VPS8: variants seen among roughly 807,000 people sequenced by gnomAD.
VPS8 encodes vacuolar protein sorting-associated protein 8 homolog.
In VPS8, 129 loss-of-function variants were observed where a neutral mutation model predicts 216.4. The ratio of observed to expected loss-of-function variants is 0.60; its 90% CI spans 0.52 to 0.69. VPS8 has a LOEUF of 0.69. VPS8 is among the 30% of genes least tolerant of loss of function. VPS8 has a pLI of 0.00. For missense variants in VPS8, 1,531 were observed against 1,683.5 expected, an observed-to-expected ratio of 0.91 and a Z score of 1.59; for synonymous variants, 571 against 565.4, an observed-to-expected ratio of 1.01 and a Z score of -0.14.
rs537879270 is a variant in VPS8 at position 184,997,098 on chromosome 3, TGA to T, written c.3836+600_3836+601del. ...TCAAGTCAGAAATCTGGAGATGTGT[TGA>T]GACTGGAAAATTTTAATTTAGAAGT... On this transcript the variant is annotated intron_variant, in intron 44 of 47. Coordinates refer to ENST00000625842, the MANE Select transcript of VPS8 (RefSeq NM_001009921.3). Among the ~76,000 whole-genome samples the T allele has an allele frequency of 4.1e-3, 621 of 152,288 alleles. 1 individual carries two copies. Among genetic ancestry groups the T allele is most frequent in the South Asian group, 9.3e-3 (45 of 4,826 alleles).
At chr3:185,026,022 C>T (rs910155024) in intron 46 of VPS8, among the ~76,000 whole-genome samples, 2 of 152,106 alleles carry the variant, frequency 1.3e-5, no homozygotes, top group Admixed American at 6.6e-5. Flanking sequence ...GTTGTTGACA[C>T]TAGTATTAAA....
chr3:184,916,123 C>T (rs978426315), intron 28 of VPS8, among the ~76,000 whole-genome samples: 3 of 152,072 alleles, frequency 2.0e-5, no homozygotes, highest in Non-Finnish European at 2.9e-5. Context: ...GAAGGAGATG[C>T]GGTAGTGATG....
At chr3:184,838,630 G>A in intron 5 of VPS8, 84 bp from the exon 6 acceptor site, 1 of 1,115,636 alleles carries the variant, frequency 9.0e-7, no homozygotes, top group Non-Finnish European at 1.3e-6. Flanking sequence ...TTTGGAGCAA[G>A]TATATGTAAA....
chr3:184,953,941 T>C (rs1185620841), intron 36 of VPS8, among the ~76,000 whole-genome samples: 1 of 152,160 alleles, frequency 6.6e-6, no homozygotes, highest in East Asian at 1.9e-4. Flanking sequence ...TCCCACAGGC[T>C]TAGTCCCACA....
At chr3:185,008,124 G>C (rs1041001660) in intron 45 of VPS8, among the ~76,000 whole-genome samples, 11 of 152,108 alleles carry the variant, frequency 7.2e-5, no homozygotes, top group African/African-American at 2.6e-4. Flanking sequence ...TTTTTCAAAA[G>C]AGTATATTCA....
At chr3:184,884,427 A>G (rs1437607771) in intron 21 of VPS8, among the ~76,000 whole-genome samples, 1 of 151,838 alleles carries the variant, frequency 6.6e-6, no homozygotes, top group Non-Finnish European at 1.5e-5. Context: ...GCTGCATAGT[A>G]TTTTCAGGAT....
At chr3:184,886,470 TAC>T (rs560516542) in intron 22 of VPS8, among the ~76,000 whole-genome samples, 11 of 151,378 alleles carry the variant, frequency 7.3e-5, no homozygotes, top group South Asian at 4.2e-4. Flanking sequence ...TATATATATA[TAC>T]ACACACACAC....
intron 36 of VPS8, among the ~76,000 whole-genome samples, chr3:184,942,031 G>A (rs1742794031): frequency 6.6e-6 from 1 of 152,024 alleles, no homozygotes; most frequent in South Asian, 2.1e-4. Flanking sequence ...TAGGAGGTAG[G>A]CATTGATGTA....
rs1264692788 is a variant in VPS8, at chr3:184,839,730, T to A, written c.513T>A (p.Ser171=). ...AVSSLIAVGT[S]HGLALIFGKD... is the part of the protein sequence containing the mutation. ...CCAGTCTGATAGCAGTGGGTACATC[T>A]CATGGATTGGCTTTAATATTTGGTA... Residue 171 remains serine, a synonymous_variant, in exon 7 of 48, where the codon TCT becomes TCA. Transcript: ENST00000625842. The A allele has an allele frequency of 6.2e-7, 1 of 1,606,108 alleles. No homozygotes were observed. Among genetic ancestry groups the A allele is most frequent in the Admixed American group, 1.7e-5 (1 of 58,990 alleles).
At chr3:184,849,650 G>A in intron 9 of VPS8, 1 of 405,830 alleles carries the variant, frequency 2.5e-6, no homozygotes, top group Non-Finnish European at 4.4e-6. Flanking sequence ...TTTTACTAGT[G>A]CTAAACAGAT....
chr3:184,860,223 G>C (rs946144214), intron 15 of VPS8, among the ~76,000 whole-genome samples, 158 bp downstream of exon 15: 2 of 151,940 alleles, frequency 1.3e-5, no homozygotes, highest in Non-Finnish European at 2.9e-5. Context: ...TGTAGTCCCA[G>C]CTACTTGGGA....
intron 28 of VPS8, among the ~76,000 whole-genome samples, chr3:184,919,845 G>A (rs973877555): frequency 1.3e-5 from 2 of 151,708 alleles, no homozygotes; most frequent in Non-Finnish European, 2.9e-5. Context: ...TAGTGTTATC[G>A]CTCTCTTTTT....
intron 36 of VPS8, among the ~76,000 whole-genome samples, chr3:184,956,835 A>C (rs897072052): frequency 1.3e-5 from 2 of 152,212 alleles, no homozygotes; most frequent in Non-Finnish European, 2.9e-5. Flanking sequence ...AACCAAAAAA[A>C]TTAGTCCTCA....
intron 47 of VPS8, among the ~76,000 whole-genome samples, chr3:185,051,441 C>T (rs1226944734): frequency 6.6e-6 from 1 of 151,988 alleles, no homozygotes; most frequent in Non-Finnish European, 1.5e-5. Flanking sequence ...AGTCATTCAC[C>T]CCGAGGAGAG....
At chr3:184,960,307 C>T (rs1396131504) in intron 37 of VPS8, among the ~76,000 whole-genome samples, 1 of 152,024 alleles carries the variant, frequency 6.6e-6, no homozygotes, top group East Asian at 1.9e-4. Flanking sequence ...TTCATGACCT[C>T]CTTGAAGATG....
In VPS8 at chr3:184,999,743, C is replaced by G; in HGVS notation, c.3884C>G (p.Thr1295Ser). 1 of 1,613,472 alleles carries G rather than the reference C, an allele frequency of 6.2e-7. No individual in the cohort carries two copies. Among genetic ancestry groups the G allele is most frequent in the South Asian group, 1.1e-5 (1 of 90,880 alleles). Residue 1295 changes from threonine (T) to serine (S), a missense_variant, in exon 45 of 48, where the codon ACT (threonine) becomes AGT (serine). Thr to Ser is a moderately conservative substitution (Grantham distance 58). Around this residue, in one of 3 missense-constraint regions of VPS8, gnomAD observed 1,318 missense variants for 1,468.4 expected, o/e 0.90. Coordinates refer to ENST00000625842, the MANE Select transcript of VPS8 (RefSeq NM_001009921.3). ...HSFCLQNKECTVEFEGQTRWT... is the reference protein window; with the variant it reads ...HSFCLQNKECSVEFEGQTRWT... Reference sequence around the variant, plus strand: ...TTCTGCCTACAAAACAAAGAATGCACTGTGGAATTTGAGGGCCAAACAAGA... The same window carrying G: ...TTCTGCCTACAAAACAAAGAATGCAGTGTGGAATTTGAGGGCCAAACAAGA...
rs1334813783 is a variant in VPS8, at chr3:184,863,016, TAGC to T, written c.1348_1350del (p.Ser450del). 2 of 1,612,662 alleles carry T rather than the reference TAGC, an allele frequency of 1.2e-6. No homozygotes were observed. The highest frequency in any genetic ancestry group is 1.7e-6 in the Non-Finnish European group (2 of 1,179,330). On this transcript the variant is annotated inframe_deletion, in exon 16 of 48. Transcript: ENST00000625842. ...TCTCAGAAGTTCAGCTGGTCTACAA[TAGC>T]AGCCATTTCAAATCACTAGCCACTG...
intron 29 of VPS8, among the ~76,000 whole-genome samples, chr3:184,923,906 T>A (rs1016409696): frequency 5.3e-5 from 8 of 152,230 alleles, no homozygotes; most frequent in Non-Finnish European, 7.3e-5. Context: ...ACCAGTTGAA[T>A]TAAAATTTTC....
chr3:185,016,623 G>C (rs988498595), intron 45 of VPS8, among the ~76,000 whole-genome samples: 9 of 152,154 alleles, frequency 5.9e-5, no homozygotes, highest in African/African-American at 1.9e-4. Flanking sequence ...ACTATTAAAG[G>C]CCAATTTTTC....
Sources: gnomAD v4.1 joint callset for allele counts (sites outside exome capture counted in the v4.1 genomes callset) on GRCh38, gnomAD v4.1.1 for gene constraint, gnomAD v4.1.1 regional missense constraint, MANE v1.5 for transcripts, NCBI Gene and HGNC (gene_info 2026-07-23, HGNC 2026-07-21) for gene names.